CAMK2G: variants seen among roughly 807,000 people sequenced by gnomAD.
CAMK2G encodes calcium/calmodulin-dependent protein kinase type II subunit gamma.
Under a neutral mutation model 88.7 loss-of-function variants are expected in CAMK2G, and 23 were observed. The ratio of observed to expected loss-of-function variants is 0.26; its 90% CI spans 0.19 to 0.37. The LOEUF is 0.37. Among genes scored for constraint, CAMK2G ranks in the 10% least tolerant of loss-of-function variants. The pLI is 1.00. For synonymous variants in CAMK2G, 263 were observed against 294.8 expected (o/e 0.89, Z 1.11); for missense variants, 476 against 780.8 (o/e 0.61, Z 4.65).
At chr10:73,816,781 G>A in intron 21 of CAMK2G, 1 of 1,483,620 alleles carries the variant, frequency 6.7e-7, no homozygotes, top group Non-Finnish European at 9.0e-7. Context: ...GCTTGATTGT[G>A]GTGACTGGCA....
At chr10:73,862,308 C>A (rs905545352) in intron 2 of CAMK2G, among the ~76,000 whole-genome samples, 1 of 145,696 alleles carries the variant, frequency 6.9e-6, no homozygotes, top group Non-Finnish European at 1.5e-5. Flanking sequence ...CCCCCCCCCC[C>A]CCCGATTTCC....
intron 14 of CAMK2G, among the ~76,000 whole-genome samples, chr10:73,834,939 TC>T (rs1445339506): frequency 6.6e-6 from 1 of 152,194 alleles, no homozygotes; most frequent in South Asian, 2.1e-4. Flanking sequence ...CAATTGCTCT[TC>T]CCTTCAGCCA....
chr10:73,829,252 C>T (rs1197972377), intron 14 of CAMK2G, among the ~76,000 whole-genome samples: 1 of 151,214 alleles, frequency 6.6e-6, no homozygotes, highest in Non-Finnish European at 1.5e-5. Context: ...AGTTAGGCCT[C>T]TTTTACATTG....
chr10:73,853,895 C>G (rs2094828899), intron 3 of CAMK2G, among the ~76,000 whole-genome samples: 1 of 152,242 alleles, frequency 6.6e-6, no homozygotes, highest in Non-Finnish European at 1.5e-5. Context: ...GGACCCCACG[C>G]TAGGCAGCGG....
chr10:73,850,634 C>A (rs1284281697), intron 5 of CAMK2G, among the ~76,000 whole-genome samples: 2 of 152,248 alleles, frequency 1.3e-5, no homozygotes, highest in Admixed American at 1.3e-4. Flanking sequence ...AGAATATAGA[C>A]CCCCGTCATC....
intron 14 of CAMK2G, among the ~76,000 whole-genome samples, chr10:73,830,670 C>T (rs1031267758): frequency 2.6e-5 from 4 of 152,134 alleles, no homozygotes; most frequent in African/African-American, 7.2e-5. Context: ...ACAAGTTGTC[C>T]TACACTCTCA....
At chr10:73,826,014 G>C (rs749454352) in intron 15 of CAMK2G, among the ~76,000 whole-genome samples, 52 of 152,172 alleles carry the variant, frequency 3.4e-4, no homozygotes, top group Non-Finnish European at 6.2e-4. Flanking sequence ...GGGAGGGGCA[G>C]GTGAAACCCA....
At chr10:73,847,691 T>C (rs1260245372) in intron 9 of CAMK2G, among the ~76,000 whole-genome samples, 1 of 152,214 alleles carries the variant, frequency 6.6e-6, no homozygotes, top group African/African-American at 2.4e-5. Flanking sequence ...TCCAGGCCTT[T>C]TGTCCCTGTG....
At position 73,815,176 on chromosome 10, in the gene CAMK2G, C is replaced by T. The variant is rs1441246179; in HGVS notation, c.1606G>A (p.Ala536Thr). The change falls in exon 22 of 23, where the codon GCA (alanine) becomes ACA (threonine). Residue 536 changes from alanine to threonine, a missense_variant. Ala to Thr is a moderately conservative substitution (Grantham distance 58). Coordinates refer to ENST00000423381, the MANE Select transcript of CAMK2G (RefSeq NM_001367534.1). Reference protein sequence around the residue: ...NPHVHVIGEDAACIAYIRLTQ... With the variant: ...NPHVHVIGEDTACIAYIRLTQ... ...AGGCGGATGTAGGCGATGCACGCTG[C>T]GTCCTCCCCAATCACGTGGACGTGT... is the stretch of plus-strand genomic sequence containing the variant. 4 of 1,614,220 alleles carry T rather than the reference C, an allele frequency of 2.5e-6. No homozygotes were observed. The highest frequency in any genetic ancestry group is 2.2e-5 in the East Asian group (1 of 44,888).
intron 17 of CAMK2G, among the ~76,000 whole-genome samples, chr10:73,823,143 T>A (rs1014207978): frequency 1.8e-4 from 27 of 152,250 alleles, no homozygotes; most frequent in African/African-American, 6.5e-4. Flanking sequence ...ATTACAGGCA[T>A]GAGCCACCGC....
intron 4 of CAMK2G, among the ~76,000 whole-genome samples, 166 bp downstream of exon 4, chr10:73,853,026 G>A (rs547499002): frequency 1.6e-4 from 24 of 152,346 alleles, no homozygotes; most frequent in Middle Eastern, 6.8e-3. Context: ...GGAACATGGA[G>A]ACCCCCTTGG....
intron 2 of CAMK2G, among the ~76,000 whole-genome samples, chr10:73,861,376 G>C (rs1223861714): frequency 6.6e-6 from 1 of 152,108 alleles, no homozygotes; most frequent in Non-Finnish European, 1.5e-5. Flanking sequence ...TTCTTTCTGA[G>C]ACGGAGTCTC....
Position 73,848,668 on chromosome 10 carries a change from C to A in CAMK2G, c.518-59G>T. The A allele has an allele frequency of 1.0e-6, 1 of 961,012 alleles. No individual in the cohort carries two copies. Among genetic ancestry groups the A allele is most frequent in the South Asian group, 1.4e-5 (1 of 69,532 alleles). The allele number at this position is 961,012 out of a possible 1,614,324, so 59.5% of individuals were successfully genotyped here. Reference sequence around the variant, plus strand: ...CCCACTTTCTCTCTCGTTAAATCCACACCAGCCATTTCCCCCAAGTCCCAT... The same window carrying A: ...CCCACTTTCTCTCTCGTTAAATCCAAACCAGCCATTTCCCCCAAGTCCCAT... On this transcript the variant is annotated intron_variant, in intron 7 of 22. Coordinates refer to ENST00000423381, the MANE Select transcript of CAMK2G (RefSeq NM_001367534.1). This position sits in a 1 kb window ranked among gnomAD's most constrained non-coding sequence, Gnocchi z 4.5.
intron 17 of CAMK2G, 64 bp downstream of exon 17, chr10:73,823,975 TG>T (rs2090047979): frequency 6.0e-6 from 8 of 1,332,442 alleles, no homozygotes; most frequent in Non-Finnish European, 8.6e-6. Flanking sequence ...TGTAGACCCC[TG>T]GGACCCAGCC....
chr10:73,815,836 C>CA lies in CAMK2G; in HGVS notation c.1535-590dup. On this transcript the variant is annotated intron_variant, in intron 21 of 22. Coordinates refer to ENST00000423381, the MANE Select transcript of CAMK2G (RefSeq NM_001367534.1). ...TTCCCAGGATTCTCTGGGGAAAAGG[C>CA]AAAAGAAGTTGGATTGCCATTATCA... The CA allele has an allele frequency of 5.1e-6, 5 of 985,520 alleles. No homozygotes were observed. In the South Asian group the frequency reaches 1.9e-4, roughly 37 times the overall value. The allele number at this position is 985,520 out of a possible 1,614,324, so 61.0% of individuals were successfully genotyped here.
At chr10:73,870,320 C>T (rs1409530656) in intron 2 of CAMK2G, among the ~76,000 whole-genome samples, 1 of 152,170 alleles carries the variant, frequency 6.6e-6, no homozygotes, top group African/African-American at 2.4e-5. Context: ...AACGGAGTGA[C>T]GTTATGTGAC....
At chr10:73,852,658 G>A (rs950407108) in intron 4 of CAMK2G, 3 of 318,582 alleles carry the variant, frequency 9.4e-6, no homozygotes, top group Non-Finnish European at 1.8e-5. Context: ...CTAAAATATC[G>A]CTGCCCAGGA....
At chr10:73,841,627 T>C (rs2093791529) in intron 12 of CAMK2G, among the ~76,000 whole-genome samples, 1 of 152,230 alleles carries the variant, frequency 6.6e-6, no homozygotes. Flanking sequence ...CCTGCTGGTC[T>C]TTATTTCTTC....
At chr10:73,829,682 C>CAA (rs2092024901) in intron 14 of CAMK2G, among the ~76,000 whole-genome samples, 1 of 93,832 alleles carries the variant, frequency 1.1e-5, no homozygotes, top group African/African-American at 5.4e-5. Context: ...CCCTTATATT[C>CAA]ATATATATAA....
Sources: allele counts gnomAD v4.1 joint callset (sites outside exome capture counted in the v4.1 genomes callset), GRCh38; gene constraint gnomAD v4.1.1; non-coding constraint Gnocchi (gnomAD v3.1); transcripts MANE v1.5; gene names NCBI Gene and HGNC (gene_info 2026-07-23, HGNC 2026-07-21).